DNM3: variants seen among roughly 807,000 people sequenced by gnomAD.
The protein encoded by DNM3 is dynamin-3.
Under a neutral mutation model 101.6 loss-of-function variants are expected in DNM3, and 47 were observed. That is an observed-to-expected ratio of 0.46 (90% CI 0.37 to 0.59). The LOEUF (loss-of-function observed/expected upper bound fraction) is 0.59. Ranked by LOEUF, DNM3 falls within the 20% of genes least tolerant of loss-of-function variation. The pLI is 0.00. For synonymous variants in DNM3, 385 were observed against 387.9 expected, an observed-to-expected ratio of 0.99 and a Z score of 0.09; for missense variants, 849 against 1,085.7, an observed-to-expected ratio of 0.78 and a Z score of 3.06.
chr1:171,968,430 A>G (rs1317280891), intron 2 of DNM3, among the ~76,000 whole-genome samples: 2 of 152,218 alleles, frequency 1.3e-5, no homozygotes, highest in African/African-American at 2.4e-5. Context: ...ATAGACAGAA[A>G]TGGACCAAGA....
intron 14 of DNM3, among the ~76,000 whole-genome samples, chr1:172,251,841 A>G (rs191568039): frequency 4.6e-5 from 7 of 152,240 alleles, no homozygotes; most frequent in African/African-American, 1.7e-4. Flanking sequence ...AATAAAAAAA[A>G]TGTTCCCTGG....
intron 4 of DNM3, among the ~76,000 whole-genome samples, chr1:172,011,242 G>A: frequency 6.6e-6 from 1 of 151,778 alleles, no homozygotes; most frequent in East Asian, 1.9e-4. Context: ...ATCCCTTTGT[G>A]AGCTCTGGGA....
At chr1:172,223,894 C>G (rs777911883) in intron 14 of DNM3, among the ~76,000 whole-genome samples, 1 of 152,134 alleles carries the variant, frequency 6.6e-6, no homozygotes, top group Non-Finnish European at 1.5e-5. Context: ...GTCACTTTGT[C>G]TGGGCCATTG....
chr1:172,107,151 C>T (rs990633585), intron 13 of DNM3, among the ~76,000 whole-genome samples: 1 of 151,914 alleles, frequency 6.6e-6, no homozygotes, highest in African/African-American at 2.4e-5. Context: ...TGAGCCACCG[C>T]GCCCGGCCGG....
chr1:172,191,007 G>A (rs1466783569), intron 14 of DNM3, among the ~76,000 whole-genome samples: 1 of 152,114 alleles, frequency 6.6e-6, no homozygotes, highest in Non-Finnish European at 1.5e-5. Flanking sequence ...CTGTGCAGAA[G>A]CTCTTTAGTT....
At chr1:172,055,328 C>A (rs1572283585) in intron 10 of DNM3, among the ~76,000 whole-genome samples, 1 of 152,078 alleles carries the variant, frequency 6.6e-6, no homozygotes, top group Non-Finnish European at 1.5e-5. Context: ...CAAACCATTG[C>A]TTCTTTCAGG....
intron 2 of DNM3, among the ~76,000 whole-genome samples, chr1:171,932,590 AT>A (rs1012649978): frequency 6.6e-6 from 1 of 151,792 alleles, no homozygotes; most frequent in African/African-American, 2.4e-5. Flanking sequence ...ATTCATCTTT[AT>A]TTTTTATTGT....
intron 4 of DNM3, among the ~76,000 whole-genome samples, chr1:172,009,175 A>G (rs1452990206): frequency 7.0e-6 from 1 of 141,856 alleles, no homozygotes; most frequent in African/African-American, 2.6e-5. Flanking sequence ...TATATAATGT[A>G]TTAATATATA....
chr1:172,312,160 A>G (rs958488067), intron 16 of DNM3, among the ~76,000 whole-genome samples: 2 of 152,232 alleles, frequency 1.3e-5, no homozygotes, highest in African/African-American at 2.4e-5. Context: ...TGAAGTCAGA[A>G]TAACCTAATA....
At chr1:172,129,032 T>A (rs1320248488) in intron 13 of DNM3, among the ~76,000 whole-genome samples, 1 of 152,160 alleles carries the variant, frequency 6.6e-6, no homozygotes, top group Non-Finnish European at 1.5e-5. Context: ...CTCAGATTCA[T>A]ATTTAATATT....
At chr1:171,896,919 G>A (rs2037860183) in intron 1 of DNM3, among the ~76,000 whole-genome samples, 1 of 152,040 alleles carries the variant, frequency 6.6e-6, no homozygotes, top group Admixed American at 6.6e-5. Context: ...GCTTTCTAAA[G>A]GGAAAAATTT....
At chr1:172,308,603 C>T in intron 15 of DNM3, 125 bp from the exon 16 acceptor site, 1 of 433,290 alleles carries the variant, frequency 2.3e-6, no homozygotes. Context: ...TTTTGTTTTC[C>T]TTCAGTGACT....
At chr1:172,366,305 C>T (rs933171774) in intron 17 of DNM3, among the ~76,000 whole-genome samples, 2 of 151,842 alleles carry the variant, frequency 1.3e-5, no homozygotes, top group African/African-American at 4.8e-5. Context: ...CAACCAAATA[C>T]AAAGAAAACT....
intron 1 of DNM3, among the ~76,000 whole-genome samples, chr1:171,851,472 G>A (rs1369941527): frequency 6.6e-6 from 1 of 152,204 alleles, no homozygotes; most frequent in Non-Finnish European, 1.5e-5. Flanking sequence ...TGCAGTGAGT[G>A]GCATGATCTC....
chr1:172,347,730 G>A (rs1234412844), intron 17 of DNM3, among the ~76,000 whole-genome samples: 2 of 152,156 alleles, frequency 1.3e-5, no homozygotes, highest in African/African-American at 4.8e-5. Context: ...GAAGGAAATA[G>A]TAGAATGGGG....
Position 172,411,532 on chromosome 1 carries a change from T to C in DNM3, c.*3691T>C, listed in dbSNP as rs916824912. Reference sequence around the variant, plus strand: ...ATACATAGTCATTTTTCCTCTATGGTAGAAGTAAAAAAAAAAAAAAAGGAC... The same window carrying C: ...ATACATAGTCATTTTTCCTCTATGGCAGAAGTAAAAAAAAAAAAAAAGGAC... On this transcript the variant is annotated 3_prime_UTR_variant, in exon 21 of 21. Transcript: ENST00000627582. 2.1e-6 allele frequency: 2 copies of C among 974,290 alleles called. No individual in the cohort carries two copies. The highest frequency in any genetic ancestry group is 1.4e-4 in the Admixed American group (2 of 14,682). The allele number at this position is 974,290 out of a possible 1,614,324, so 60.4% of individuals were successfully genotyped here. A position where few individuals can be genotyped will look rare whatever the true frequency, so the allele number is the denominator to read the frequency against.
At chr1:172,261,974 G>A (rs142956325) in intron 15 of DNM3, among the ~76,000 whole-genome samples, 98 of 152,274 alleles carry the variant, frequency 6.4e-4, no homozygotes, top group African/African-American at 2.1e-3. Flanking sequence ...AAGGGGGAAG[G>A]AGTGGAGCTG....
At chr1:172,179,370 CA>C (rs1406820040) in intron 14 of DNM3, among the ~76,000 whole-genome samples, 2 of 151,440 alleles carry the variant, frequency 1.3e-5, no homozygotes, top group African/African-American at 4.9e-5. Flanking sequence ...GTTTGGAAAC[CA>C]AAAGAAAATA....
At chr1:172,331,915 T>C (rs1372755539) in intron 17 of DNM3, among the ~76,000 whole-genome samples, 1 of 152,082 alleles carries the variant, frequency 6.6e-6, no homozygotes, top group Non-Finnish European at 1.5e-5. Flanking sequence ...TGATGATGGC[T>C]TGGGTTAGGG....
Sources: allele counts gnomAD v4.1 joint callset (sites outside exome capture counted in the v4.1 genomes callset), GRCh38; gene constraint gnomAD v4.1.1; transcripts MANE v1.5; gene names NCBI Gene and HGNC (gene_info 2026-07-23, HGNC 2026-07-21).